PAFAH1B1: variants seen among roughly 807,000 people sequenced by gnomAD.
PAFAH1B1 encodes the protein platelet-activating factor acetylhydrolase IB subunit beta.
In PAFAH1B1, 2 loss-of-function variants were observed where a neutral mutation model predicts 57.5. That is an observed-to-expected ratio of 0.03 (90% CI 0.01 to 0.11). The LOEUF is 0.11. PAFAH1B1 is among the 10% of genes least tolerant of loss of function. The pLI is 1.00. For synonymous variants in PAFAH1B1, 152 were observed against 169.6 expected (o/e 0.90, Z 0.81); for missense variants, 257 against 512.0 (o/e 0.50, Z 4.81).
intron 1 of PAFAH1B1, among the ~76,000 whole-genome samples, chr17:2,601,174 G>A (rs1010803392): frequency 4.6e-5 from 7 of 151,924 alleles, no homozygotes; most frequent in Non-Finnish European, 8.8e-5. Context: ...CGTTCTTGTC[G>A]CCCAGGCTGG....
At chr17:2,593,593 C>G (rs1344011435), upstream of PAFAH1B1, among the ~76,000 whole-genome samples, 2 of 149,394 alleles carry the variant, frequency 1.3e-5, no homozygotes, top group Non-Finnish European at 3.0e-5. Flanking sequence ...GGGTCTGGGG[C>G]GGCGGCGGCG....
At chr17:2,624,849 G>C (rs2068468847) in intron 1 of PAFAH1B1, among the ~76,000 whole-genome samples, 1 of 152,106 alleles carries the variant, frequency 6.6e-6, no homozygotes, top group Non-Finnish European at 1.5e-5. Flanking sequence ...GGCCTCTGCT[G>C]ACCTTTTAAA....
At chr17:2,653,126 T>C (rs1269350492) in intron 2 of PAFAH1B1, among the ~76,000 whole-genome samples, 1 of 152,104 alleles carries the variant, frequency 6.6e-6, no homozygotes, top group African/African-American at 2.4e-5. Context: ...TATAGGGACA[T>C]GGATGAAGCT....
At chr17:2,660,155 G>T (rs1426434021) in intron 2 of PAFAH1B1, among the ~76,000 whole-genome samples, 1 of 151,602 alleles carries the variant, frequency 6.6e-6, no homozygotes, top group Non-Finnish European at 1.5e-5. Flanking sequence ...TGGGCCCCTG[G>T]ACCTTTTAGA....
At chr17:2,596,207 C>A (rs1368193506) in intron 1 of PAFAH1B1, among the ~76,000 whole-genome samples, 1 of 151,626 alleles carries the variant, frequency 6.6e-6, no homozygotes, top group Non-Finnish European at 1.5e-5. Context: ...TATAAAGATA[C>A]ACACACACAT....
chr17:2,660,496 A>T (rs1334745693), intron 2 of PAFAH1B1, among the ~76,000 whole-genome samples: 1 of 152,134 alleles, frequency 6.6e-6, no homozygotes, highest in East Asian at 1.9e-4. Context: ...GCGTGAGAGC[A>T]TGCGGTGCTT....
intron 1 of PAFAH1B1, among the ~76,000 whole-genome samples, chr17:2,620,240 A>T (rs1009507074): frequency 5.9e-5 from 9 of 152,316 alleles, no homozygotes; most frequent in Middle Eastern, 3.4e-3. Context: ...TCTAAGCCTA[A>T]AGTAAGGTAA....
intron 1 of PAFAH1B1, among the ~76,000 whole-genome samples, chr17:2,627,325 C>G (rs2068506327): frequency 6.6e-6 from 1 of 152,148 alleles, no homozygotes; most frequent in Non-Finnish European, 1.5e-5. Context: ...CCAGTTATCT[C>G]AGCACTATTT....
chr17:2,596,270 T>C (rs1234405082), intron 1 of PAFAH1B1, among the ~76,000 whole-genome samples: 2 of 152,188 alleles, frequency 1.3e-5, no homozygotes, highest in African/African-American at 2.4e-5. Context: ...TAAGTATAAA[T>C]TAATGTCAGA....
chr17:2,649,387 A>G (rs1159483728), intron 2 of PAFAH1B1, among the ~76,000 whole-genome samples: 1 of 152,030 alleles, frequency 6.6e-6, no homozygotes. Flanking sequence ...AGCCTGGCCA[A>G]TATGACGAAA....
At chr17:2,645,041 G>A (rs142520559) in intron 2 of PAFAH1B1, among the ~76,000 whole-genome samples, 2 of 152,232 alleles carry the variant, frequency 1.3e-5, no homozygotes, top group South Asian at 4.1e-4. Context: ...GAGCACAGAG[G>A]TTCAAGACCA....
intron 9 of PAFAH1B1, 76 bp from the exon 10 acceptor site, chr17:2,680,088 T>A (rs1054214012): frequency 2.3e-6 from 3 of 1,300,052 alleles, no homozygotes; most frequent in Non-Finnish European, 3.3e-6. Context: ...GTATGTATAG[T>A]TTTATCGTAT....
intron 2 of PAFAH1B1, among the ~76,000 whole-genome samples, chr17:2,642,862 C>G (rs183940770): frequency 2.0e-4 from 30 of 152,188 alleles, no homozygotes; most frequent in Non-Finnish European, 3.8e-4. Flanking sequence ...CCCCTCACTC[C>G]CCGCTGTCCT....
chr17:2,640,891 T>C (rs897918661), intron 2 of PAFAH1B1: 5 of 152,224 alleles, frequency 3.3e-5, no homozygotes, highest in Non-Finnish European at 7.3e-5. Context: ...TTTTTCACTG[T>C]GTAGTTACTG....
intron 2 of PAFAH1B1, among the ~76,000 whole-genome samples, chr17:2,651,150 G>A (rs1241405183): frequency 2.0e-5 from 3 of 152,048 alleles, no homozygotes; most frequent in Non-Finnish European, 1.5e-5. Context: ...TCCACATGCC[G>A]AAACATTTAT....
intron 2 of PAFAH1B1, among the ~76,000 whole-genome samples, chr17:2,664,552 C>T (rs1467971753): frequency 6.6e-6 from 1 of 151,880 alleles, no homozygotes; most frequent in Non-Finnish European, 1.5e-5. Flanking sequence ...ATTACAGGGG[C>T]TTGCCACCAC....
chr17:2,678,047 A>C (rs1385344231), intron 9 of PAFAH1B1, among the ~76,000 whole-genome samples: 1 of 151,050 alleles, frequency 6.6e-6, no homozygotes, highest in African/African-American at 2.4e-5. Flanking sequence ...ACCTGAGGTC[A>C]GGAGTTCAGG....
chr17:2,599,436 T>C (rs745357991), intron 1 of PAFAH1B1, among the ~76,000 whole-genome samples: 3 of 152,228 alleles, frequency 2.0e-5, no homozygotes, highest in Non-Finnish European at 4.4e-5. Flanking sequence ...TTTATTAACA[T>C]ATGGTCTTGT....
chr17:2,610,155 C>T (rs1179432927), intron 1 of PAFAH1B1, among the ~76,000 whole-genome samples: 1 of 152,178 alleles, frequency 6.6e-6, no homozygotes, highest in Non-Finnish European at 1.5e-5. Context: ...ACTTTGAAAA[C>T]GCAGTTCTAT....
Sources: allele counts gnomAD v4.1 joint callset (sites outside exome capture counted in the v4.1 genomes callset), GRCh38; gene constraint gnomAD v4.1.1; transcripts MANE v1.5; gene names NCBI Gene and HGNC (gene_info 2026-07-23, HGNC 2026-07-21).